The following JADE2 variants were observed in gnomAD, a reference collection of about 807,000 sequenced individuals.
JADE2 encodes the protein E3 ubiquitin-protein ligase Jade-2.
In JADE2, 13 loss-of-function variants were observed where a neutral mutation model predicts 85.7. The ratio of observed to expected loss-of-function variants is 0.15; its 90% CI spans 0.10 to 0.24. JADE2 has a LOEUF of 0.24. Among genes scored for constraint, JADE2 ranks in the 10% least tolerant of loss-of-function variants. The probability of loss-of-function intolerance (pLI) is 1.00; values close to 1 mark genes in which losing one functional copy is unlikely to be tolerated. For synonymous variants in JADE2, 440 were observed against 456.1 expected (o/e 0.96, Z 0.45); for missense variants, 846 against 1,115.9 (o/e 0.76, Z 3.45).
At chr5:134,559,392 T>A (rs1185066996) in intron 4 of JADE2, among the ~76,000 whole-genome samples, 8 of 152,204 alleles carry the variant, frequency 5.3e-5, no homozygotes, top group African/African-American at 1.9e-4. Flanking sequence ...ACTACCTCAC[T>A]TGTTGCTGGC....
At chr5:134,524,785 A>G (rs1335955208), upstream of JADE2, among the ~76,000 whole-genome samples, 3 of 152,128 alleles carry the variant, frequency 2.0e-5, no homozygotes, top group Non-Finnish European at 4.4e-5. Context: ...TACAATTTCA[A>G]GTTCCCCCGC....
chr5:134,578,479 CCTCT>C lies in JADE2; in HGVS notation c.1682-11_1682-8del, dbSNP rs1561768359. ...ACGTCTGCTGGCGTCTCACTTGCCTCCTCTCTCCCCTCAGCAGGCCTGTCCACCT... is the reference window on the plus strand; with the variant it reads ...ACGTCTGCTGGCGTCTCACTTGCCTCCTCCCCTCAGCAGGCCTGTCCACCT... On this transcript the variant is annotated splice_polypyrimidine_tract_variant and intron_variant, in intron 11 of 11. Coordinates refer to ENST00000681547, the MANE Select transcript of JADE2 (RefSeq NM_001388185.1). This position sits in a 1 kb window ranked among gnomAD's most constrained non-coding sequence, Gnocchi z 4.4. 1 of 1,547,340 alleles carries C rather than the reference CCTCT, an allele frequency of 6.5e-7. No individual in the cohort carries two copies. Among genetic ancestry groups the C allele is most frequent in the Non-Finnish European group, 8.8e-7 (1 of 1,140,008 alleles).
rs966282672 is a variant in JADE2, at chr5:134,525,877, C to G, written c.-135C>G. ...CCGGCCGCCTCCCTCGCCGCGACCCCGGATGGATGCGCGCCCCCCGCCCTC... is the reference window on the plus strand; with the variant it reads ...CCGGCCGCCTCCCTCGCCGCGACCCGGGATGGATGCGCGCCCCCCGCCCTC... On this transcript the variant is annotated 5_prime_UTR_variant, in exon 1 of 12. Transcript: ENST00000681547. 1 of 987,062 alleles carries G rather than the reference C, an allele frequency of 1.0e-6. No individual in the cohort carries two copies. The highest frequency in any genetic ancestry group is 1.2e-6 in the Non-Finnish European group (1 of 831,132). The allele number at this position is 987,062 out of a possible 1,614,324, so 61.1% of individuals were successfully genotyped here. A position where few individuals can be genotyped will look rare whatever the true frequency, so the allele number is the denominator to read the frequency against.
At chr5:134,527,478 C>G (rs1760926581) in intron 1 of JADE2, among the ~76,000 whole-genome samples, 1 of 152,088 alleles carries the variant, frequency 6.6e-6, no homozygotes, top group African/African-American at 2.4e-5. Flanking sequence ...CTACTACACA[C>G]AGCTACCACC....
intron 3 of JADE2, among the ~76,000 whole-genome samples, chr5:134,538,573 A>C (rs962658609): frequency 6.6e-6 from 1 of 152,206 alleles, no homozygotes; most frequent in Non-Finnish European, 1.5e-5. Flanking sequence ...AGGCATCTGC[A>C]TTTGAAGCCT....
intron 7 of JADE2, chr5:134,564,257 T>C (rs1763500844): frequency 5.2e-6 from 2 of 385,968 alleles, no homozygotes; most frequent in South Asian, 8.2e-5. Context: ...AATTTAAGAT[T>C]AGTCTCAGAT....
chr5:134,578,491 C>T lies in JADE2; in HGVS notation c.1682-3C>T, dbSNP rs1345168666. On this transcript the variant is annotated splice_region_variant and splice_polypyrimidine_tract_variant and intron_variant, in intron 11 of 11. Coordinates refer to ENST00000681547, the MANE Select transcript of JADE2 (RefSeq NM_001388185.1). The surrounding 1 kb of genome is among the most constrained non-coding windows in gnomAD (Gnocchi z 4.4). ...GTCTCACTTGCCTCCTCTCTCCCCTCAGCAGGCCTGTCCACCTCATTCCCC... is the reference window on the plus strand; with the variant it reads ...GTCTCACTTGCCTCCTCTCTCCCCTTAGCAGGCCTGTCCACCTCATTCCCC... 1 of 1,567,962 alleles carries T rather than the reference C, an allele frequency of 6.4e-7. No individual in the cohort carries two copies. The highest frequency in any genetic ancestry group is 8.7e-7 in the Non-Finnish European group (1 of 1,151,684).
chr5:134,576,851 A>G lies in JADE2; in HGVS notation c.1636A>G (p.Lys546Glu). Residue 546 changes from lysine to glutamate, a missense_variant, in exon 11 of 12, where the codon AAA (lysine) becomes GAA (glutamate). By Grantham distance (56) the Lys-to-Glu change is moderately conservative (BLOSUM62 1). This residue lies in a region of JADE2 where 119 missense variants were observed against 163.9 expected (regional missense o/e 0.73). Transcript: ENST00000681547. ...CEGSKGSTEK[K>E]EKVKAGPDSV... ...GGGCTCCAAGGGCAGCACTGAGAAG[A>G]AAGAGAAAGTGAAGGCGGGGCCTGA... The G allele has an allele frequency of 6.5e-7, 1 of 1,550,240 alleles. No individual in the cohort carries two copies. The highest frequency in any genetic ancestry group is 8.7e-7 in the Non-Finnish European group (1 of 1,146,786).
Position 134,562,207 on chromosome 5 carries a change from A to T in JADE2, c.692A>T (p.Tyr231Phe). The T allele has an allele frequency of 6.2e-7, 1 of 1,611,048 alleles. No individual in the cohort carries two copies. Among genetic ancestry groups the T allele is most frequent in the Non-Finnish European group, 8.5e-7 (1 of 1,178,474 alleles). ...KCNVCVHQAC[Y>F]GILKVPTGSW... ...CACCCTGCTCTCTCCTAGGCATGCT[A>T]CGGGATCCTCAAGGTGCCCACGGGC... The change falls in exon 7 of 12, where the codon TAC (tyrosine) becomes TTC (phenylalanine). Residue 231 changes from tyrosine (Y) to phenylalanine (F), a missense_variant. Physicochemically the swap from Tyr to Phe is conservative, Grantham distance 22. Around this residue, in one of 9 missense-constraint regions of JADE2, gnomAD observed 129 missense variants for 255.4 expected, o/e 0.51. Transcript: ENST00000681547. The surrounding 1 kb of genome is among the most constrained non-coding windows in gnomAD (Gnocchi z 4.6).
intron 9 of JADE2, among the ~76,000 whole-genome samples, chr5:134,572,413 C>T (rs73293798): frequency 0.028 from 4,217 of 152,320 alleles, 193 homozygotes; most frequent in African/African-American, 0.094. Context: ...GGAGGATACC[C>T]GTACGCAGAA....
At chr5:134,537,099 G>C (rs573112787) in intron 2 of JADE2, among the ~76,000 whole-genome samples, 2 of 152,292 alleles carry the variant, frequency 1.3e-5, no homozygotes, top group South Asian at 4.1e-4. Flanking sequence ...CTGTGGCCTG[G>C]CTCAGTGGAA....
intron 9 of JADE2, among the ~76,000 whole-genome samples, chr5:134,568,932 C>G (rs1332605802): frequency 6.6e-6 from 1 of 152,216 alleles, no homozygotes; most frequent in East Asian, 1.9e-4. Flanking sequence ...TGTAACTGGG[C>G]ACTAAGCCAG....
Position 134,542,685 on chromosome 5 carries a change from G to A in JADE2, c.153+4602G>A, listed in dbSNP as rs542396214. ...TCGAACTCCCAACCTCAGGTGATCC[G>A]CCTGCCTCGGCCCCCCAGAGTGCTG... On this transcript the variant is annotated intron_variant, in intron 3 of 11. Coordinates refer to ENST00000681547, the MANE Select transcript of JADE2 (RefSeq NM_001388185.1). Among the ~76,000 whole-genome samples, 8 of 151,928 alleles carry A rather than the reference G, an allele frequency of 5.3e-5. No individual in the cohort carries two copies. The East Asian group carries it at 5.8e-4, about 11-fold the overall frequency.
At chr5:134,536,642 G>A (rs1163287433) in intron 2 of JADE2, 1 of 152,250 alleles carries the variant, frequency 6.6e-6, no homozygotes, top group Non-Finnish European at 1.5e-5. Context: ...CTCTTCTCGG[G>A]TGCCCAGAAA....
rs767149887 is a variant in JADE2 at position 134,560,000 on chromosome 5, C to T, written c.472+10C>T. The T allele has an allele frequency of 6.2e-7, 1 of 1,613,742 alleles. No individual in the cohort carries two copies. Among genetic ancestry groups the T allele is most frequent in the Admixed American group, 1.7e-5 (1 of 59,952 alleles). ...GAGCTTAAGGAGATGGGTAGGTGAC[C>T]ACTGCATTAAGAATGGGATCACGGC... On this transcript the variant is annotated intron_variant, in intron 5 of 11. Coordinates refer to ENST00000681547, the MANE Select transcript of JADE2 (RefSeq NM_001388185.1).
At chr5:134,543,073 C>T (rs1237061901) in intron 3 of JADE2, among the ~76,000 whole-genome samples, 8 of 147,392 alleles carry the variant, frequency 5.4e-5, no homozygotes, top group Non-Finnish European at 1.0e-4. Context: ...CTCACCCTGT[C>T]GCCCAGGTTG....
At chr5:134,571,371 A>G (rs1455261666) in intron 9 of JADE2, among the ~76,000 whole-genome samples, 2 of 152,226 alleles carry the variant, frequency 1.3e-5, no homozygotes, top group Non-Finnish European at 2.9e-5. Flanking sequence ...GGAGGTTTTA[A>G]GGGGAGAAGG....
At chr5:134,557,285 T>A (rs1162735196) in intron 4 of JADE2, among the ~76,000 whole-genome samples, 27 of 151,532 alleles carry the variant, frequency 1.8e-4, no homozygotes, top group African/African-American at 4.6e-4. Context: ...TTTTTATTTT[T>A]TTTTTTTTCA....
Position 134,542,005 on chromosome 5 carries a change from C to T in JADE2, c.153+3922C>T, listed in dbSNP as rs1294186548. ...GAGTGAAGGGGGAGTGAGTGCGGGCCTCCGAGCTGAGAGCTGAAGGCATGG... is the reference window on the plus strand; with the variant it reads ...GAGTGAAGGGGGAGTGAGTGCGGGCTTCCGAGCTGAGAGCTGAAGGCATGG... On this transcript the variant is annotated intron_variant, in intron 3 of 11. Transcript: ENST00000681547. Among the ~76,000 whole-genome samples, 11 of 152,380 alleles carry T rather than the reference C, an allele frequency of 7.2e-5. No individual in the cohort carries two copies. In the East Asian group the frequency reaches 2.1e-3, roughly 29 times the overall value.
Sources: allele counts gnomAD v4.1 joint callset (sites outside exome capture counted in the v4.1 genomes callset), GRCh38; gene constraint gnomAD v4.1.1; regional missense constraint gnomAD v4.1.1; non-coding constraint Gnocchi (gnomAD v3.1); transcripts MANE v1.5; gene names NCBI Gene and HGNC (gene_info 2026-07-23, HGNC 2026-07-21).